The following CORIN variants were observed in gnomAD, a reference collection of about 807,000 sequenced individuals.
CORIN encodes atrial natriuretic peptide-converting enzyme.
A neutral mutation model predicts 125.3 loss-of-function variants in CORIN; 117 were observed. The observed-to-expected ratio is 0.93, with a 90% CI of 0.80 to 1.09. CORIN has a LOEUF of 1.09. CORIN is among the 50% of genes least tolerant of loss of function. The pLI, the probability that CORIN is intolerant of heterozygous loss-of-function variation, is 0.00. For synonymous variants in CORIN, 450 were observed against 466.4 expected, an observed-to-expected ratio of 0.96 and a Z score of 0.45; for missense variants, 1,253 against 1,306.7, an observed-to-expected ratio of 0.96 and a Z score of 0.63.
intron 6 of CORIN, among the ~76,000 whole-genome samples, chr4:47,685,175 C>T (rs7665841): frequency 0.45 from 69,116 of 151,922 alleles, 17,748 homozygotes; most frequent in Non-Finnish European, 0.59. Flanking sequence ...AGGAATCTAC[C>T]CAAGATAAAT....
intron 19 of CORIN, among the ~76,000 whole-genome samples, chr4:47,622,785 C>G (rs991767098): frequency 1.3e-5 from 2 of 152,154 alleles, no homozygotes; most frequent in Non-Finnish European, 2.9e-5. Context: ...TGCCTGCCAC[C>G]TACCTCATCA....
At chr4:47,823,683 C>T (rs1577954277) in intron 1 of CORIN, among the ~76,000 whole-genome samples, 1 of 152,202 alleles carries the variant, frequency 6.6e-6, no homozygotes, top group Non-Finnish European at 1.5e-5. Flanking sequence ...ATACTTTTAA[C>T]CCCTTTTCCA....
chr4:47,626,354 A>C (rs2109564431), intron 17 of CORIN, 51 bp downstream of exon 17: 1 of 1,088,046 alleles, frequency 9.2e-7, no homozygotes, highest in Non-Finnish European at 1.4e-6. Context: ...CCAATGATAA[A>C]CTCTTGCTCT....
chr4:47,741,931 G>A (rs144942215), intron 5 of CORIN, among the ~76,000 whole-genome samples: 23 of 152,032 alleles, frequency 1.5e-4, no homozygotes, highest in African/African-American at 5.1e-4. Flanking sequence ...CTGCTAATGC[G>A]TGTAGGTTTC....
rs746735372 is a variant in CORIN at position 47,763,401 on chromosome 4, AC to A, written c.594del (p.Glu198AspfsTer33). 7 of 1,613,726 alleles carry A rather than the reference AC, an allele frequency of 4.3e-6. No homozygotes were observed. The highest frequency in any genetic ancestry group is 5.9e-6 in the Non-Finnish European group (7 of 1,179,828). On this transcript the variant is annotated frameshift_variant, in exon 4 of 22. Coordinates refer to ENST00000273857, the MANE Select transcript of CORIN (RefSeq NM_006587.4). LOFTEE classifies it high-confidence loss of function. Reference sequence around the variant, plus strand: ...TACCTGTCATCGCCATCAATGATGCACTCAGGGAAGGCGAGGGTACAGCCAA... The same window carrying A: ...TACCTGTCATCGCCATCAATGATGCATCAGGGAAGGCGAGGGTACAGCCAA... ...MLFGCTLAFP[E>X]CIIDGDDSHG...
At chr4:47,686,294 G>T (rs1725513970) in intron 6 of CORIN, among the ~76,000 whole-genome samples, 1 of 151,854 alleles carries the variant, frequency 6.6e-6, no homozygotes, top group South Asian at 2.1e-4. Context: ...ACACACACAC[G>T]CATATATACA....
At chr4:47,641,848 A>C (rs1723241750) in intron 16 of CORIN, 72 bp downstream of exon 16, 2 of 1,556,416 alleles carry the variant, frequency 1.3e-6, no homozygotes, top group Non-Finnish European at 1.8e-6. Flanking sequence ...GTGCATCCTA[A>C]GGAAGATATT....
At chr4:47,739,444 G>A (rs1186646328) in intron 5 of CORIN, among the ~76,000 whole-genome samples, 2 of 151,934 alleles carry the variant, frequency 1.3e-5, no homozygotes, top group Non-Finnish European at 2.9e-5. Context: ...TCTATGTACA[G>A]CAAAATATCC....
intron 6 of CORIN, among the ~76,000 whole-genome samples, chr4:47,687,581 T>C (rs4271983): frequency 0.53 from 80,272 of 152,012 alleles, 21,840 homozygotes; most frequent in Non-Finnish European, 0.59. Flanking sequence ...TCAAAATTAT[T>C]GTTAAATTAG....
Position 47,683,834 on chromosome 4 carries a change from G to A in CORIN, c.918C>T (p.Cys306=), listed in dbSNP as rs767173798. 2 of 1,609,594 alleles carry A rather than the reference G, an allele frequency of 1.2e-6. No individual in the cohort carries two copies. Residue 306 remains cysteine (C), a synonymous_variant, in exon 7 of 22, where the codon TGC becomes TGT. Transcript: ENST00000273857. ...TGTGACAGTGAAACAGATTCTCGCT[G>A]CAGTCTGCAAATAAAAGAAGCCACC... ...DDWSDEAHCN[C]SENLFHCHTG... is the part of the protein sequence containing the mutation.
intron 2 of CORIN, 50 bp downstream of exon 2, chr4:47,806,853 T>C (rs775992514): frequency 4.9e-5 from 76 of 1,556,892 alleles, no homozygotes; most frequent in Non-Finnish European, 6.3e-5. Flanking sequence ...TTCTAGATCA[T>C]GCTAATTTTC....
In CORIN at chr4:47,595,718, T is replaced by C; in HGVS notation, c.*3A>G. ...TGGCAAAAGTCTCTGATCATCCTTA[T>C]AATTAGTTTAGGAGAAAGGTCTGGA... On this transcript the variant is annotated 3_prime_UTR_variant, in exon 22 of 22. Coordinates refer to ENST00000273857, the MANE Select transcript of CORIN (RefSeq NM_006587.4). 6.3e-7 allele frequency: 1 copy of C among 1,593,722 alleles called. No homozygotes were observed. Among genetic ancestry groups the C allele is most frequent in the Non-Finnish European group, 8.5e-7 (1 of 1,173,096 alleles).
chr4:47,625,712 T>C (rs1560477951), intron 17 of CORIN, among the ~76,000 whole-genome samples: 1 of 152,178 alleles, frequency 6.6e-6, no homozygotes, highest in Non-Finnish European at 1.5e-5. Context: ...CACTATCACT[T>C]AGCATCTGTG....
chr4:47,613,941 T>C (rs1372486652), intron 19 of CORIN, among the ~76,000 whole-genome samples: 1 of 147,280 alleles, frequency 6.8e-6, no homozygotes, highest in East Asian at 2.2e-4. Flanking sequence ...ACATGTACCC[T>C]AAAACTTAAA....
At chr4:47,770,941 G>T (rs963302180) in intron 3 of CORIN, among the ~76,000 whole-genome samples, 1 of 152,062 alleles carries the variant, frequency 6.6e-6, no homozygotes. Context: ...GGAGAAGTAA[G>T]ATCAAGCGAC....
At chr4:47,735,850 C>G (rs1053836748) in intron 5 of CORIN, among the ~76,000 whole-genome samples, 10 of 150,364 alleles carry the variant, frequency 6.7e-5, no homozygotes, top group Admixed American at 3.3e-4. Flanking sequence ...GACGTGAACC[C>G]GGGAGGCGAA....
At chr4:47,694,210 A>G (rs1336456357) in intron 5 of CORIN, among the ~76,000 whole-genome samples, 1 of 152,158 alleles carries the variant, frequency 6.6e-6, no homozygotes, top group African/African-American at 2.4e-5. Flanking sequence ...GAAAACACCA[A>G]CTGGTCCTAG....
rs1273953433 is a variant in CORIN, at chr4:47,687,520, AAT to A, written c.914-3684_914-3683del. On this transcript the variant is annotated intron_variant, in intron 6 of 21. Coordinates refer to ENST00000273857, the MANE Select transcript of CORIN (RefSeq NM_006587.4). Reference sequence around the variant, plus strand: ...GTTTCTTCTGAAATTCTTGCATGTTAATATTGATTTCAGTTTGGCATCTCATA... The same window carrying A: ...GTTTCTTCTGAAATTCTTGCATGTTAATTGATTTCAGTTTGGCATCTCATA... Among the ~76,000 whole-genome samples, 3 of 152,228 alleles carry A rather than the reference AAT, an allele frequency of 2.0e-5. No individual in the cohort carries two copies. The East Asian group carries it at 5.8e-4, about 29-fold the overall frequency.
chr4:47,715,282 A>C (rs1727034921), intron 5 of CORIN, among the ~76,000 whole-genome samples: 1 of 152,214 alleles, frequency 6.6e-6, no homozygotes, highest in Admixed American at 6.5e-5. Flanking sequence ...TATCTCTCCA[A>C]GAGATCATCC....
Sources: allele counts gnomAD v4.1 joint callset (sites outside exome capture counted in the v4.1 genomes callset), GRCh38; gene constraint gnomAD v4.1.1; transcripts MANE v1.5; gene names NCBI Gene and HGNC (gene_info 2026-07-23, HGNC 2026-07-21).